APPL2: variants seen among roughly 807,000 people sequenced by gnomAD.
APPL2 encodes the protein DCC-interacting protein 13-beta.
APPL2 carries 84 observed loss-of-function variants against 92.7 expected under a neutral mutation model. That is an observed-to-expected ratio of 0.91 (90% CI 0.76 to 1.09). The LOEUF (loss-of-function observed/expected upper bound fraction) is 1.09. APPL2 is among the 50% of genes least tolerant of loss of function. The pLI is 0.00. For missense variants in APPL2, 736 were observed against 824.5 expected (o/e 0.89, Z 1.31); for synonymous variants, 291 against 291.0 (o/e 1.00, Z 0.00).
At chr12:105,187,901 G>A (rs79786821) in intron 17 of APPL2, among the ~76,000 whole-genome samples, 5,729 of 151,822 alleles carry the variant, frequency 0.038, 173 homozygotes, top group Non-Finnish European at 0.054. Flanking sequence ...TCTCTGTGAT[G>A]GCCAAGTTAT....
In APPL2 at chr12:105,173,779, C is replaced by T. The variant is rs897231502; in HGVS notation, c.*535G>A. On this transcript the variant is annotated 3_prime_UTR_variant, in exon 21 of 21. Transcript: ENST00000258530. ...CGCGCATCTCTACTAGTGCTTGGGC[C>T]TCAAAGCAGTGCTCATCACCTAACT... 1.3e-5 allele frequency: 2 copies of T among 152,296 alleles called. No individual in the cohort carries two copies. The highest frequency in any genetic ancestry group is 6.6e-5 in the Admixed American group (1 of 15,262). The allele number at this position is 152,296 out of a possible 1,614,324, so 9.4% of individuals were successfully genotyped here.
Position 105,176,078 on chromosome 12 carries a change from C to T in APPL2, c.1817G>A (p.Cys606Tyr). 6.3e-7 allele frequency: 1 copy of T among 1,592,464 alleles called. No individual in the cohort carries two copies. Among genetic ancestry groups the T allele is most frequent in the Non-Finnish European group, 8.5e-7 (1 of 1,172,758 alleles). ...TTCTTTTCCCAAATTAATAGCATAA[C>T]ATATCTGCAAAAGACAAGAAAAGTA... ...FESNSEGEKI[C>Y]YAINLGKEII... Residue 606 changes from cysteine (C) to tyrosine (Y), a missense_variant, in exon 20 of 21, where the codon TGT becomes TAT. Coordinates refer to ENST00000258530, the MANE Select transcript of APPL2 (RefSeq NM_018171.5).
chr12:105,195,858 C>T (rs1887595212), intron 11 of APPL2, among the ~76,000 whole-genome samples: 1 of 152,030 alleles, frequency 6.6e-6, no homozygotes, highest in Admixed American at 6.5e-5. Context: ...AGTTCGAGAC[C>T]AGCCTGGGCA....
At chr12:105,191,337 G>A (rs1887175475) in intron 14 of APPL2, among the ~76,000 whole-genome samples, 2 of 152,286 alleles carry the variant, frequency 1.3e-5, no homozygotes, top group South Asian at 4.1e-4. Context: ...TCTCCTCACT[G>A]CCAGGAGAGT....
At chr12:105,231,632 C>T (rs376549644) in intron 1 of APPL2, among the ~76,000 whole-genome samples, 1 of 152,198 alleles carries the variant, frequency 6.6e-6, no homozygotes, top group Admixed American at 6.5e-5. Context: ...TGGTCCACAG[C>T]GTACAGCCCT....
At chr12:105,181,967 T>A (rs189799249) in intron 17 of APPL2, among the ~76,000 whole-genome samples, 2 of 152,324 alleles carry the variant, frequency 1.3e-5, no homozygotes, top group African/African-American at 4.8e-5. Context: ...CTCCTTCAGT[T>A]CTGCTCTCAT....
chr12:105,178,441 G>A (rs1592751084), intron 17 of APPL2, among the ~76,000 whole-genome samples: 1 of 152,236 alleles, frequency 6.6e-6, no homozygotes, highest in African/African-American at 2.4e-5. Flanking sequence ...TGAAAATGTT[G>A]TAAAATTGAT....
intron 4 of APPL2, among the ~76,000 whole-genome samples, chr12:105,212,366 C>T (rs904212229): frequency 2.6e-5 from 4 of 152,156 alleles, no homozygotes; most frequent in Non-Finnish European, 5.9e-5. Context: ...GTACTTTTTG[C>T]ATGCCAGCTT....
intron 17 of APPL2, among the ~76,000 whole-genome samples, chr12:105,179,449 T>C (rs1885895183): frequency 6.6e-6 from 1 of 152,226 alleles, no homozygotes. Context: ...ATACACATAG[T>C]GTGCATGTGT....
At chr12:105,186,156 G>T (rs1338512110) in intron 17 of APPL2, among the ~76,000 whole-genome samples, 1 of 151,996 alleles carries the variant, frequency 6.6e-6, no homozygotes, top group Non-Finnish European at 1.5e-5. Context: ...ATATATACAG[G>T]TTGAGTATCC....
At chr12:105,211,712 G>A (rs1889234921) in intron 4 of APPL2, among the ~76,000 whole-genome samples, 1 of 152,256 alleles carries the variant, frequency 6.6e-6, no homozygotes, top group Middle Eastern at 3.4e-3. Flanking sequence ...CAGGCTGCTC[G>A]ACTCTCTCAC....
chr12:105,204,119 G>GC (rs1475315464), intron 8 of APPL2, among the ~76,000 whole-genome samples: 2 of 152,160 alleles, frequency 1.3e-5, no homozygotes, highest in Admixed American at 6.5e-5. Flanking sequence ...TGTATTAGTG[G>GC]CATCTGCACC....
In APPL2 at chr12:105,206,891, A is replaced by G. The variant is rs1221352239; in HGVS notation, c.621+170T>C. The G allele has an allele frequency of 1.0e-5, 8 of 776,356 alleles. No individual in the cohort carries two copies. The African/African-American group carries it at 1.2e-4, about 12-fold the overall frequency. 48.1% of individuals were successfully genotyped at this position (776,356 alleles called of 1,614,324 possible). A position where few individuals can be genotyped will look rare whatever the true frequency, so the allele number is the denominator to read the frequency against. ...GAGGCCAATGCATGTCCAGCTGAAG[A>G]TGACCCAGCTCAACTGGAAGCTGTC... On this transcript the variant is annotated intron_variant, in intron 8 of 20. Coordinates refer to ENST00000258530, the MANE Select transcript of APPL2 (RefSeq NM_018171.5).
At chr12:105,230,261 G>C (rs1592843692) in intron 1 of APPL2, among the ~76,000 whole-genome samples, 1 of 152,118 alleles carries the variant, frequency 6.6e-6, no homozygotes, top group African/African-American at 2.4e-5. Context: ...GCTGAGCAAA[G>C]TCATAAGCTG....
intron 4 of APPL2, among the ~76,000 whole-genome samples, chr12:105,212,067 C>T (rs1257866820): frequency 7.6e-6 from 1 of 130,978 alleles, no homozygotes; most frequent in Non-Finnish European, 1.5e-5. Context: ...TGCAGTGAGC[C>T]GAGATCGCAC....
chr12:105,234,923 C>A (rs557074491), intron 1 of APPL2, among the ~76,000 whole-genome samples: 1 of 152,248 alleles, frequency 6.6e-6, no homozygotes, highest in South Asian at 2.1e-4. Context: ...AAAAAATGAA[C>A]AAAAGACACC....
chr12:105,229,014 A>C, intron 2 of APPL2, 111 bp downstream of exon 2: 10 of 947,236 alleles, frequency 1.1e-5, no homozygotes, highest in Non-Finnish European at 1.6e-5. Context: ...TTTTGTTTCA[A>C]AATCTTAAAT....
At chr12:105,227,298 T>C (rs1890585350) in intron 2 of APPL2, among the ~76,000 whole-genome samples, 1 of 152,202 alleles carries the variant, frequency 6.6e-6, no homozygotes, top group African/African-American at 2.4e-5. Context: ...AAGCTAGTTC[T>C]AATTAATAAG....
In APPL2 at chr12:105,200,532, A is replaced by G. The variant is rs74710305; in HGVS notation, c.705-1001T>C. ...ATGGAGGTGTGTGCTGAGGTGTGGA[A>G]ATGGTGGCTGCCCTTTTCCCCTACT... On this transcript the variant is annotated intron_variant, in intron 9 of 20. Transcript: ENST00000258530. Among the ~76,000 whole-genome samples, 451 of 152,296 alleles carry G rather than the reference A, an allele frequency of 3.0e-3. 18 individuals are homozygous for G. The East Asian group carries it at 0.073, about 25-fold the overall frequency.
Sources: allele counts gnomAD v4.1 joint callset (sites outside exome capture counted in the v4.1 genomes callset), GRCh38; gene constraint gnomAD v4.1.1; transcripts MANE v1.5; gene names NCBI Gene and HGNC (gene_info 2026-07-23, HGNC 2026-07-21).